Variants in CLEC16A observed in about 807,000 individuals in gnomAD.
CLEC16A encodes C-type lectin domain containing 16A.
CLEC16A carries 51 observed loss-of-function variants against 109.5 expected under a neutral mutation model. The ratio of observed to expected loss-of-function variants is 0.47; its 90% CI spans 0.37 to 0.59. The LOEUF is 0.59. CLEC16A is among the 20% of genes least tolerant of loss of function. CLEC16A has a pLI of 0.00. For synonymous variants in CLEC16A, 673 were observed against 564.2 expected, an observed-to-expected ratio of 1.19 and a Z score of -2.73; for missense variants, 1,339 against 1,394.0, an observed-to-expected ratio of 0.96 and a Z score of 0.63.
chr16:11,058,933 C>T (rs1389871631), intron 18 of CLEC16A, among the ~76,000 whole-genome samples: 3 of 152,178 alleles, frequency 2.0e-5, no homozygotes, highest in African/African-American at 4.8e-5. Context: ...GTCATGACTC[C>T]TTATTTGAGA....
intron 23 of CLEC16A, among the ~76,000 whole-genome samples, chr16:11,168,243 T>C (rs2068356216): frequency 6.6e-6 from 1 of 152,194 alleles, no homozygotes; most frequent in South Asian, 2.1e-4. Flanking sequence ...TAGTTTCTTT[T>C]TTCTTGGCCT....
chr16:11,129,872 C>G (rs1469578374), intron 22 of CLEC16A, among the ~76,000 whole-genome samples: 5 of 151,888 alleles, frequency 3.3e-5, no homozygotes, highest in African/African-American at 9.7e-5. Flanking sequence ...ACACCATTCT[C>G]CTGCCTCAGC....
intron 19 of CLEC16A, among the ~76,000 whole-genome samples, chr16:11,065,626 G>T (rs976936863): frequency 7.2e-5 from 11 of 152,214 alleles, no homozygotes; most frequent in Admixed American, 6.5e-4. Context: ...AGACTGATTG[G>T]GATGGCTCCA....
At chr16:11,169,490 T>A (rs2068414495) in intron 23 of CLEC16A, among the ~76,000 whole-genome samples, 1 of 152,202 alleles carries the variant, frequency 6.6e-6, no homozygotes, top group South Asian at 2.1e-4. Context: ...TTTCACCATG[T>A]TGGCCAGGCT....
chr16:11,118,288 A>G (rs1200338145), intron 19 of CLEC16A, among the ~76,000 whole-genome samples: 5 of 152,206 alleles, frequency 3.3e-5, no homozygotes, highest in Admixed American at 2.6e-4. Flanking sequence ...GGAACCTAGC[A>G]TATGCAGAGG....
chr16:11,154,443 T>A (rs2054424495), intron 22 of CLEC16A, among the ~76,000 whole-genome samples: 1 of 152,242 alleles, frequency 6.6e-6, no homozygotes. Context: ...TTCATATAAA[T>A]CCTTTAAACC....
chr16:11,122,591 G>C (rs1425624378), intron 20 of CLEC16A, among the ~76,000 whole-genome samples: 1 of 152,120 alleles, frequency 6.6e-6, no homozygotes, highest in African/African-American at 2.4e-5. Context: ...GTTTTGATGG[G>C]GGTGTTATCT....
At chr16:11,176,401 C>G (rs1046273332) in intron 23 of CLEC16A, among the ~76,000 whole-genome samples, 1 of 148,778 alleles carries the variant, frequency 6.7e-6, no homozygotes, top group East Asian at 1.9e-4. Context: ...TCCTCTAGAT[C>G]TCTCTCTCTC....
intron 22 of CLEC16A, among the ~76,000 whole-genome samples, chr16:11,132,388 C>T (rs1056032440): frequency 2.0e-5 from 3 of 152,038 alleles, no homozygotes; most frequent in Non-Finnish European, 2.9e-5. Flanking sequence ...TTTCAAGGTG[C>T]ATCTATCCTT....
At chr16:10,949,047 G>C (rs145298105) in intron 1 of CLEC16A, among the ~76,000 whole-genome samples, 23 of 152,290 alleles carry the variant, frequency 1.5e-4, no homozygotes, top group Admixed American at 2.6e-4. Context: ...TGGAGCAAGA[G>C]TGGGATTAGC....
chr16:11,094,014 G>A (rs550105367), intron 19 of CLEC16A, among the ~76,000 whole-genome samples: 156 of 152,306 alleles, frequency 1.0e-3, no homozygotes, highest in Non-Finnish European at 1.9e-3. Context: ...GTCTTTGGAC[G>A]ACAGGCAGGT....
rs200280529 is a variant in CLEC16A, at chr16:11,126,031, C to T, written c.2526C>T (p.Leu842=). 5.5e-5 allele frequency: 88 copies of T among 1,613,472 alleles called. No individual in the cohort carries two copies. The highest frequency in any genetic ancestry group is 6.7e-5 in the Non-Finnish European group (79 of 1,179,808). The stretch of plus-strand genomic sequence containing the variant: ...CCACTGAAGTCCTGGGGTTTGGACT[C>T]GGCTCCTCCACCTCCACTCAGCACC... The part of the protein sequence containing the change: ...QPTTEVLGFG[L]GSSTSTQHLP... The change falls in exon 22 of 24, where the codon CTC becomes CTT. Residue 842 remains leucine, a synonymous_variant. Coordinates refer to ENST00000409790, the MANE Select transcript of CLEC16A (RefSeq NM_015226.3).
intron 7 of CLEC16A, among the ~76,000 whole-genome samples, chr16:10,975,061 G>A (rs1286939025): frequency 2.6e-5 from 4 of 152,140 alleles, no homozygotes; most frequent in Non-Finnish European, 5.9e-5. Context: ...AGTAGAGGAG[G>A]GCTGGGTGCG....
At chr16:11,043,260 A>C (rs971339963) in intron 15 of CLEC16A, among the ~76,000 whole-genome samples, 35 of 152,190 alleles carry the variant, frequency 2.3e-4, no homozygotes, top group African/African-American at 8.4e-4. Context: ...CTCTAAAAAA[A>C]CAAAAAAGAT....
At chr16:11,088,416 A>C (rs1457626160) in intron 19 of CLEC16A, among the ~76,000 whole-genome samples, 1 of 152,158 alleles carries the variant, frequency 6.6e-6, no homozygotes, top group East Asian at 1.9e-4. Flanking sequence ...CCGGGCCATT[A>C]TCTGTGTACC....
At chr16:11,101,611 G>C (rs776889849) in intron 19 of CLEC16A, among the ~76,000 whole-genome samples, 1 of 152,142 alleles carries the variant, frequency 6.6e-6, no homozygotes, top group South Asian at 2.1e-4. Context: ...CTCCACAGAC[G>C]TCTAGTGAGC....
chr16:11,094,754 A>G (rs1051226786), intron 19 of CLEC16A, among the ~76,000 whole-genome samples: 1 of 152,232 alleles, frequency 6.6e-6, no homozygotes, highest in African/African-American at 2.4e-5. Flanking sequence ...TGTAGCTCAA[A>G]TGTGAAAAAT....
chr16:11,139,055 C>T (rs2053701725), intron 22 of CLEC16A, among the ~76,000 whole-genome samples: 1 of 150,162 alleles, frequency 6.7e-6, no homozygotes, highest in Admixed American at 7.4e-5. Context: ...TTTCCCTCCC[C>T]GAATGTTCTC....
rs1454131723 is a variant in CLEC16A at position 11,174,263 on chromosome 16, G to T, written c.2807-4072G>T. 2.2e-6 allele frequency: 1 copy of T among 464,512 alleles called. No homozygotes were observed. Among genetic ancestry groups the T allele is most frequent in the Admixed American group, 2.3e-5 (1 of 42,564 alleles). 28.8% of individuals were successfully genotyped at this position (464,512 alleles called of 1,614,324 possible). ...AACGGCAGCTGCCACGGCACCTCAC[G>T]CACAGTCAATTCAGGCAGGTCTCCC... On this transcript the variant is annotated intron_variant, in intron 23 of 23. Transcript: ENST00000409790. This position sits in a 1 kb window ranked among gnomAD's most constrained non-coding sequence, Gnocchi z 4.7.
Sources: allele counts gnomAD v4.1 joint callset (sites outside exome capture counted in the v4.1 genomes callset), GRCh38; gene constraint gnomAD v4.1.1; non-coding constraint Gnocchi (gnomAD v3.1); transcripts MANE v1.5; gene names NCBI Gene and HGNC (gene_info 2026-07-23, HGNC 2026-07-21).